Variants in GALNT13 observed in about 807,000 individuals in gnomAD.
The protein encoded by GALNT13 is UDP-GalNAc:polypeptide N-acetylgalactosaminyltransferase 13.
Under a neutral mutation model 64.2 loss-of-function variants are expected in GALNT13, and 28 were observed. The ratio of observed to expected loss-of-function variants is 0.44; its 90% CI spans 0.32 to 0.60. The LOEUF (loss-of-function observed/expected upper bound fraction) is 0.60. Among genes scored for constraint, GALNT13 ranks in the 20% least tolerant of loss-of-function variants. The pLI, the probability that GALNT13 is intolerant of heterozygous loss-of-function variation, is 0.05. For synonymous variants in GALNT13, 214 were observed against 224.6 expected, an observed-to-expected ratio of 0.95 and a Z score of 0.42; for missense variants, 577 against 669.8, an observed-to-expected ratio of 0.86 and a Z score of 1.53.
intron 2 of GALNT13, among the ~76,000 whole-genome samples, chr2:153,906,131 C>T (rs147747209): frequency 6.3e-4 from 96 of 151,710 alleles, no homozygotes; most frequent in Non-Finnish European, 9.4e-4. Flanking sequence ...AAGGCAAAAC[C>T]ATAAGTAAGG....
chr2:154,190,903 A>G (rs1230086349), intron 4 of GALNT13, among the ~76,000 whole-genome samples: 1 of 152,248 alleles, frequency 6.6e-6, no homozygotes, highest in East Asian at 1.9e-4. Context: ...CTGATGAGAT[A>G]CTTTATATTC....
At chr2:153,625,615 C>T in the GALNT13 span, among the ~76,000 whole-genome samples, 1 of 152,094 alleles carries the variant, frequency 6.6e-6, no homozygotes, top group Non-Finnish European at 1.5e-5. Flanking sequence ...CATTGTTCTC[C>T]ATGCATTTTG....
At chr2:154,433,739 A>T (rs1304634028) in intron 11 of GALNT13, among the ~76,000 whole-genome samples, 1 of 77,776 alleles carries the variant, frequency 1.3e-5, no homozygotes, top group Non-Finnish European at 2.5e-5. Flanking sequence ...AGGTGATCTA[A>T]ACAGGTTAGC....
the GALNT13 span, among the ~76,000 whole-genome samples, chr2:153,107,190 G>A: frequency 6.6e-6 from 1 of 152,096 alleles, no homozygotes; most frequent in African/African-American, 2.4e-5. Context: ...GCTTTGTGAT[G>A]AAAGGTCCTC....
intron 3 of GALNT13, among the ~76,000 whole-genome samples, chr2:153,988,071 TATACACACAC>T (rs930757600): frequency 1.4e-5 from 2 of 143,746 alleles, no homozygotes; most frequent in East Asian, 4.0e-4. Flanking sequence ...TATATATATA[TATACACACAC>T]ACACACACAC....
chr2:154,345,683 A>G lies in GALNT13; in HGVS notation c.1156+44094A>G, dbSNP rs140386059. ...AATGTTTGAGTGACACAAACTCCTA[A>G]TAATTATAGAAATTCAGCCTCTTCT... On this transcript the variant is annotated intron_variant, in intron 9 of 12. Transcript: ENST00000392825. Among the ~76,000 whole-genome samples, 998 of 152,166 alleles carry G rather than the reference A, an allele frequency of 6.6e-3. 13 individuals carry two copies. The highest frequency in any genetic ancestry group is 0.023 in the African/African-American group (938 of 41,536).
chr2:153,309,789 T>C, the GALNT13 span, among the ~76,000 whole-genome samples: 1 of 152,098 alleles, frequency 6.6e-6, no homozygotes, highest in Non-Finnish European at 1.5e-5. Context: ...AATTAGAGAA[T>C]AATTATAAAG....
chr2:153,086,557 C>T, the GALNT13 span, among the ~76,000 whole-genome samples: 1 of 152,260 alleles, frequency 6.6e-6, no homozygotes, highest in East Asian at 1.9e-4. Flanking sequence ...GAATTTCCTT[C>T]TCATTTGCCT....
At chr2:154,145,307 G>T (rs2105597237) in intron 4 of GALNT13, among the ~76,000 whole-genome samples, 1 of 151,550 alleles carries the variant, frequency 6.6e-6, no homozygotes, top group Non-Finnish European at 1.5e-5. Context: ...TTAACTAATG[G>T]CTCAGCATTA....
chr2:153,208,971 G>GCCT, the GALNT13 span, among the ~76,000 whole-genome samples: 1 of 42,940 alleles, frequency 2.3e-5, no homozygotes, highest in Non-Finnish European at 5.6e-5. Context: ...TTTGGTTTTG[G>GCCT]TCTTTTTTTT....
the GALNT13 span, among the ~76,000 whole-genome samples, chr2:153,503,915 T>C: frequency 6.6e-6 from 1 of 152,142 alleles, no homozygotes. Context: ...TCTAGTTACA[T>C]GAGGAATAAT....
chr2:154,285,910 T>G (rs1383522683), intron 8 of GALNT13, among the ~76,000 whole-genome samples: 2 of 152,208 alleles, frequency 1.3e-5, no homozygotes, highest in Admixed American at 6.5e-5. Context: ...AAACACATCT[T>G]TCACCTCCTT....
the GALNT13 span, among the ~76,000 whole-genome samples, chr2:153,366,027 G>C: frequency 2.0e-5 from 3 of 152,152 alleles, no homozygotes; most frequent in African/African-American, 7.2e-5. Context: ...AAAAGAAAAT[G>C]TTATACATGT....
At chr2:153,404,083 T>G in the GALNT13 span, among the ~76,000 whole-genome samples, 1 of 152,222 alleles carries the variant, frequency 6.6e-6, no homozygotes, top group Admixed American at 6.5e-5. Flanking sequence ...AATACTGATG[T>G]AGGCTCATTG....
chr2:153,612,632 C>CAAAAA, the GALNT13 span, among the ~76,000 whole-genome samples: 2 of 151,018 alleles, frequency 1.3e-5, no homozygotes, highest in Non-Finnish European at 1.5e-5. Context: ...AATAAGAAAA[C>CAAAAA]AAAGAAAAAA....
the GALNT13 span, among the ~76,000 whole-genome samples, chr2:153,518,386 C>A: frequency 6.6e-6 from 1 of 152,040 alleles, no homozygotes; most frequent in South Asian, 2.1e-4. Flanking sequence ...TTCTGAAATG[C>A]GTATGGAGAC....
At chr2:153,923,823 G>A (rs1689924723) in intron 2 of GALNT13, among the ~76,000 whole-genome samples, 3 of 151,732 alleles carry the variant, frequency 2.0e-5, no homozygotes, top group Admixed American at 2.0e-4. Flanking sequence ...AGTTTGCTGA[G>A]AATGATGGTT....
intron 3 of GALNT13, among the ~76,000 whole-genome samples, chr2:154,129,868 T>G (rs1179519037): frequency 6.6e-6 from 1 of 152,134 alleles, no homozygotes; most frequent in Non-Finnish European, 1.5e-5. Flanking sequence ...TTTCCAATCA[T>G]GTTCTTTGCA....
intron 3 of GALNT13, among the ~76,000 whole-genome samples, chr2:153,999,470 T>C (rs1695751587): frequency 6.6e-6 from 1 of 152,076 alleles, no homozygotes; most frequent in Non-Finnish European, 1.5e-5. Flanking sequence ...AAGGCCCTTA[T>C]GTTTTGAAGT....
Sources: gnomAD v4.1 joint callset for allele counts (sites outside exome capture counted in the v4.1 genomes callset) on GRCh38, gnomAD v4.1.1 for gene constraint, MANE v1.5 for transcripts, NCBI Gene and HGNC (gene_info 2026-07-23, HGNC 2026-07-21) for gene names.